Variants in IMPA1 observed in about 807,000 individuals in gnomAD.
The protein encoded by IMPA1 is inositol monophosphatase 1.
IMPA1 carries 21 observed loss-of-function variants against 34.9 expected under a neutral mutation model. That is an observed-to-expected ratio of 0.60 (90% CI 0.43 to 0.87). IMPA1 has a LOEUF of 0.87. IMPA1 is among the 40% of genes least tolerant of loss of function. IMPA1 has a pLI of 0.00. For missense variants in IMPA1, 299 were observed against 336.4 expected (o/e 0.89, Z 0.87); for synonymous variants, 95 against 104.4 (o/e 0.91, Z 0.55).
chr8:81,657,618 T>C lies in IMPA1; in HGVS notation c.*1733A>G, dbSNP rs181421558. On this transcript the variant is annotated 3_prime_UTR_variant, in exon 9 of 9. Coordinates refer to ENST00000256108, the MANE Select transcript of IMPA1 (RefSeq NM_005536.4). The stretch of plus-strand genomic sequence containing the variant: ...ACAAAACAAAGCCTCTAAAAGTAGT[T>C]TGAACTATTAACTTTAATAATGTAA... 1.3e-4 allele frequency among the ~76,000 whole-genome samples: 19 copies of C among 151,356 alleles called. No individual in the cohort carries two copies. The highest frequency in any genetic ancestry group is 4.6e-4 in the African/African-American group (19 of 41,252).
At chr8:81,680,828 A>T (rs1308313279) in intron 2 of IMPA1, 45 bp from the exon 3 acceptor site, 7 of 1,412,770 alleles carry the variant, frequency 5.0e-6, no homozygotes, top group African/African-American at 2.9e-5. Context: ...CATAATTTTA[A>T]ACAAAAAGAT....
chr8:81,684,931 A>T (rs959969890), intron 1 of IMPA1, among the ~76,000 whole-genome samples: 2 of 133,024 alleles, frequency 1.5e-5, no homozygotes, highest in Admixed American at 7.8e-5. Context: ...TGTATAGTAT[A>T]TATACTATAC....
rs745899452 is a variant in IMPA1, at chr8:81,681,500, C to T, written c.61G>A (p.Glu21Lys). 4.5e-6 allele frequency: 7 copies of T among 1,564,956 alleles called. No homozygotes were observed. The highest frequency in any genetic ancestry group is 1.1e-5 in the South Asian group (1 of 90,048). ...YAVTLARQAG[E>K]VVCEAIKNEM... ...ATTGACAAAATCTTAGCTCATACCT[C>T]TCCAGCTTGTCTTGCTAGAGTTACT... is the stretch of plus-strand genomic sequence containing the variant. The change falls in exon 2 of 9, where the codon GAG (glutamate) becomes AAG (lysine). Residue 21 changes from glutamate (E) to lysine (K), a missense_variant and splice_region_variant. Physicochemically the swap from Glu to Lys is moderately conservative, Grantham distance 56 (BLOSUM62 1). Coordinates refer to ENST00000256108, the MANE Select transcript of IMPA1 (RefSeq NM_005536.4).
chr8:81,684,394 C>A (rs1178217581), intron 1 of IMPA1, among the ~76,000 whole-genome samples: 1 of 141,392 alleles, frequency 7.1e-6, no homozygotes, highest in East Asian at 2.1e-4. Flanking sequence ...AGTATATATA[C>A]CATACATATT....
intron 7 of IMPA1, among the ~76,000 whole-genome samples, chr8:81,661,830 G>A (rs192115973): frequency 2.1e-4 from 32 of 152,206 alleles, no homozygotes; most frequent in Admixed American, 1.5e-3. Flanking sequence ...GAAGACAAAC[G>A]TCATCATGTC....
At chr8:81,666,053 C>T (rs902426385) in intron 7 of IMPA1, among the ~76,000 whole-genome samples, 12 of 152,096 alleles carry the variant, frequency 7.9e-5, no homozygotes, top group Middle Eastern at 3.4e-3. Flanking sequence ...GATCAAAAAG[C>T]GGGGTCATGG....
intron 1 of IMPA1, among the ~76,000 whole-genome samples, chr8:81,685,277 GTATAT>G: frequency 7.9e-6 from 1 of 127,200 alleles, no homozygotes; most frequent in Admixed American, 8.2e-5. Context: ...ACTATATATA[GTATAT>G]ATAGTATATA....
chr8:81,680,345 T>G (rs1807261134), intron 3 of IMPA1, among the ~76,000 whole-genome samples: 1 of 152,078 alleles, frequency 6.6e-6, no homozygotes, highest in South Asian at 2.1e-4. Context: ...TGCCACCTGC[T>G]CTGGACTAGG....
chr8:81,665,162 C>G (rs1020932900), intron 7 of IMPA1, among the ~76,000 whole-genome samples: 6 of 152,108 alleles, frequency 3.9e-5, no homozygotes, highest in African/African-American at 1.4e-4. Context: ...GCTGTAAAGT[C>G]TCTCCCCCAA....
intron 7 of IMPA1, among the ~76,000 whole-genome samples, chr8:81,662,661 C>A (rs777858420): frequency 3.4e-5 from 5 of 148,994 alleles, no homozygotes; most frequent in African/African-American, 5.2e-5. Context: ...GCTCCCATGT[C>A]ATGTCATCAA....
chr8:81,682,940 A>G (rs1018725581), intron 1 of IMPA1, among the ~76,000 whole-genome samples: 22 of 152,334 alleles, frequency 1.4e-4, no homozygotes, highest in Admixed American at 2.0e-4. Flanking sequence ...AGGGGACTCA[A>G]TATCAATCAA....
intron 7 of IMPA1, among the ~76,000 whole-genome samples, chr8:81,664,260 AAAT>A (rs1396442889): frequency 6.6e-6 from 1 of 152,148 alleles, no homozygotes; most frequent in African/African-American, 2.4e-5. Context: ...CCCTCCTGGA[AAAT>A]AATAAAATGA....
Position 81,681,538 on chromosome 8 carries a change from C to G in IMPA1, c.23G>C (p.Cys8Ser). 6.2e-7 allele frequency: 1 copy of G among 1,608,432 alleles called. No individual in the cohort carries two copies. The highest frequency in any genetic ancestry group is 8.5e-7 in the Non-Finnish European group (1 of 1,175,362). The change falls in exon 2 of 9, where the codon TGC becomes TCC. Residue 8 changes from cysteine (C) to serine (S), a missense_variant. Transcript: ENST00000256108. MADPWQE[C>S]MDYAVTLARQ... ...TGCTAGAGTTACTGCATAATCCATG[C>G]ATTCCTGCCAAGGATCAGCCATCTT...
At chr8:81,660,479 G>A (rs765236946) in intron 8 of IMPA1, 37 bp downstream of exon 8, 1 of 1,591,000 alleles carries the variant, frequency 6.3e-7, no homozygotes, top group Non-Finnish European at 8.6e-7. Flanking sequence ...AAGTCCAACA[G>A]ATGTGTGGAG....
intron 4 of IMPA1, among the ~76,000 whole-genome samples, chr8:81,677,063 A>T (rs925717247): frequency 6.6e-6 from 1 of 151,934 alleles, no homozygotes; most frequent in African/African-American, 2.4e-5. Flanking sequence ...AAAAACTTTT[A>T]AATCGATTTG....
Position 81,677,587 on chromosome 8 carries a change from G to C in IMPA1, c.303-1308C>G, listed in dbSNP as rs138682504. Among the ~76,000 whole-genome samples the C allele has an allele frequency of 1.1e-3, 164 of 152,256 alleles. 1 individual carries two copies. The highest frequency in any genetic ancestry group is 3.7e-3 in the African/African-American group (155 of 41,556). ...AGGTTGTAACTGCTGACTCACAAGA[G>C]AATTAAGATCAAGGAAATAGACAAG... On this transcript the variant is annotated intron_variant, in intron 4 of 8. Transcript: ENST00000256108.
intron 7 of IMPA1, among the ~76,000 whole-genome samples, chr8:81,666,017 T>C (rs1806809010): frequency 6.6e-6 from 1 of 152,186 alleles, no homozygotes; most frequent in African/African-American, 2.4e-5. Context: ...ACTGTGAGCA[T>C]TTTATAATGT....
chr8:81,663,129 A>T (rs1806725813), intron 7 of IMPA1, among the ~76,000 whole-genome samples: 1 of 152,236 alleles, frequency 6.6e-6, no homozygotes, highest in South Asian at 2.1e-4. Flanking sequence ...AAAAAATCTG[A>T]AGTAAAAATT....
intron 6 of IMPA1, among the ~76,000 whole-genome samples, chr8:81,672,820 C>T (rs1019814052): frequency 2.0e-5 from 3 of 152,104 alleles, no homozygotes; most frequent in Non-Finnish European, 2.9e-5. Flanking sequence ...CTTTAACGGG[C>T]TTTTTTTCCA....
Sources: allele counts gnomAD v4.1 joint callset (sites outside exome capture counted in the v4.1 genomes callset), GRCh38; gene constraint gnomAD v4.1.1; transcripts MANE v1.5; gene names NCBI Gene and HGNC (gene_info 2026-07-23, HGNC 2026-07-21).